AGFG1: variants seen among roughly 807,000 people sequenced by gnomAD.
The protein encoded by AGFG1 is ArfGAP with FG repeats 1, also known as arf-GAP domain and FG repeat-containing protein 1.
AGFG1 carries 10 observed loss-of-function variants against 60.6 expected under a neutral mutation model. The ratio of observed to expected loss-of-function variants is 0.16; its 90% CI spans 0.10 to 0.28. The LOEUF (loss-of-function observed/expected upper bound fraction) is 0.28. Among genes scored for constraint, AGFG1 ranks in the 10% least tolerant of loss-of-function variants. The pLI is 1.00. For synonymous variants in AGFG1, 247 were observed against 242.9 expected, an observed-to-expected ratio of 1.02 and a Z score of -0.16; for missense variants, 537 against 676.5, an observed-to-expected ratio of 0.79 and a Z score of 2.29.
intron 2 of AGFG1, among the ~76,000 whole-genome samples, chr2:227,509,449 T>A (rs573531285): frequency 5.8e-4 from 88 of 152,296 alleles, no homozygotes; most frequent in Non-Finnish European, 1.1e-3. Flanking sequence ...TTATTAAGAT[T>A]ACTGACTAAT....
intron 2 of AGFG1, among the ~76,000 whole-genome samples, chr2:227,505,893 A>G (rs532315506): frequency 6.6e-6 from 1 of 152,112 alleles, no homozygotes; most frequent in East Asian, 1.9e-4. Flanking sequence ...ACCCGCCACC[A>G]TGCCTGGCTA....
At chr2:227,536,557 A>G in intron 8 of AGFG1, 68 bp from the exon 9 acceptor site, 2 of 1,322,972 alleles carry the variant, frequency 1.5e-6, no homozygotes, top group South Asian at 1.2e-5. Flanking sequence ...TTTTATGGCT[A>G]CCCTGTAAAT....
rs148621752 is a variant in AGFG1 at position 227,497,730 on chromosome 2, G to GTTTTTTTTTTTTTTTTTTTTTTTTT, written c.261+6094_261+6095insTTTTTTTTTTTTTTTTTTTTTTTTT. Among the ~76,000 whole-genome samples, 5 of 38,926 alleles carry GTTTTTTTTTTTTTTTTTTTTTTTTT rather than the reference G, an allele frequency of 1.3e-4. 1 individual carries two copies. The highest frequency in any genetic ancestry group is 1.6e-4 in the Non-Finnish European group (3 of 18,528). The allele number at this position is 38,926 out of a possible 152,430, so 25.5% of individuals were successfully genotyped here. ...ATATAGCCAAATGAGTTTCTTTCTT[G>GTTTTTTTTTTTTTTTTTTTTTTTTT]TTTTGTTTTTTTTTTTTTTTTTTTT... On this transcript the variant is annotated intron_variant, in intron 2 of 12. Transcript: ENST00000310078.
Position 227,523,817 on chromosome 2 carries a change from A to G in AGFG1, c.432A>G (p.Ser144=). The change falls in exon 4 of 13, where the codon TCA becomes TCG. Residue 144 remains serine, a synonymous_variant. Coordinates refer to ENST00000310078, the MANE Select transcript of AGFG1 (RefSeq NM_004504.5). ...KVVASVHASI[S]GSSASSTSST... is the part of the protein sequence containing the mutation. ...TGGCATCAGTTCATGCATCTATTTC[A>G]GGGTCCTCTGCCAGTAGCACAAGCA... The G allele has an allele frequency of 6.2e-7, 1 of 1,613,978 alleles. No homozygotes were observed.
chr2:227,490,916 A>G (rs917031195), intron 1 of AGFG1, among the ~76,000 whole-genome samples: 3 of 152,150 alleles, frequency 2.0e-5, no homozygotes, highest in Admixed American at 6.5e-5. Context: ...GCATGCAGCA[A>G]TTTTTTTGAA....
intron 1 of AGFG1, among the ~76,000 whole-genome samples, chr2:227,481,024 ATCT>A (rs1690441684): frequency 6.8e-6 from 1 of 146,148 alleles, no homozygotes; most frequent in African/African-American, 2.6e-5. Flanking sequence ...AGTATGTAAG[ATCT>A]TCTTTTCTTC....
chr2:227,535,187 C>G (rs532076381), intron 8 of AGFG1, among the ~76,000 whole-genome samples, 162 bp downstream of exon 8: 13 of 151,906 alleles, frequency 8.6e-5, no homozygotes, highest in Admixed American at 2.0e-4. Context: ...AAATATAATC[C>G]TTGAATAATT....
chr2:227,495,049 T>G (rs1690934904), intron 2 of AGFG1, among the ~76,000 whole-genome samples: 1 of 152,226 alleles, frequency 6.6e-6, no homozygotes, highest in African/African-American at 2.4e-5. Flanking sequence ...CTTTAGTGTT[T>G]ATAGACTTCT....
rs542253847 is a variant in AGFG1, at chr2:227,512,485, C to G, written c.262-7463C>G. Among the ~76,000 whole-genome samples the G allele has an allele frequency of 7.4e-4, 113 of 152,194 alleles. 1 individual carries two copies. Among genetic ancestry groups the G allele is most frequent in the Admixed American group, 1.3e-3 (20 of 15,282 alleles). On this transcript the variant is annotated intron_variant, in intron 2 of 12. Transcript: ENST00000310078. ...CCGTGTAGGAAATGTTAATAATGTA[C>G]TTAATAATGTACTTGTTTTTCCAGT...
intron 5 of AGFG1, 92 bp downstream of exon 5, chr2:227,525,007 AT>A (rs1691949725): frequency 1.4e-6 from 2 of 1,460,984 alleles, no homozygotes; most frequent in Non-Finnish European, 1.9e-6. Flanking sequence ...ATCAGTAAAC[AT>A]TTTTTGTTGA....
At chr2:227,525,095 A>T (rs1340494494) in intron 5 of AGFG1, among the ~76,000 whole-genome samples, 180 bp downstream of exon 5, 1 of 151,946 alleles carries the variant, frequency 6.6e-6, no homozygotes, top group East Asian at 2.0e-4. Flanking sequence ...CACAGAAGAG[A>T]TTATATTTAA....
intron 10 of AGFG1, among the ~76,000 whole-genome samples, chr2:227,539,851 T>C (rs62191037): frequency 0.021 from 3,172 of 152,192 alleles, 67 homozygotes; most frequent in Middle Eastern, 0.085. Context: ...TGTTGGTTTG[T>C]TTTAGACAGA....
chr2:227,530,065 G>C (rs1692114118), intron 5 of AGFG1, among the ~76,000 whole-genome samples: 1 of 152,100 alleles, frequency 6.6e-6, no homozygotes, highest in African/African-American at 2.4e-5. Context: ...CCTGTCTCAT[G>C]AATATGTGTT....
chr2:227,530,759 A>G (rs966512949), intron 5 of AGFG1, among the ~76,000 whole-genome samples: 2 of 152,170 alleles, frequency 1.3e-5, no homozygotes, highest in African/African-American at 2.4e-5. Flanking sequence ...CTGCTTTCCT[A>G]TAACTCAGTA....
chr2:227,474,728 G>A (rs900561676), intron 1 of AGFG1, among the ~76,000 whole-genome samples: 10 of 152,206 alleles, frequency 6.6e-5, no homozygotes, highest in African/African-American at 2.2e-4. Flanking sequence ...TCTGGGAGTT[G>A]ATGCCTGAGC....
At position 227,491,529 on chromosome 2, in the gene AGFG1, A is replaced by T. The variant is rs771271951; in HGVS notation, c.168-18A>T. 1 of 1,505,572 alleles carries T rather than the reference A, an allele frequency of 6.6e-7. No individual in the cohort carries two copies. Among genetic ancestry groups the T allele is most frequent in the Non-Finnish European group, 8.9e-7 (1 of 1,125,428 alleles). 93.3% of individuals were successfully genotyped at this position (1,505,572 alleles called of 1,614,324 possible). ...GTGGTATGTACTAGTAAATTTTGTAAAATATTTTATCTTTTAGGCGAGGAT... is the reference window on the plus strand; with the variant it reads ...GTGGTATGTACTAGTAAATTTTGTATAATATTTTATCTTTTAGGCGAGGAT... On this transcript the variant is annotated intron_variant, in intron 1 of 12. Coordinates refer to ENST00000310078, the MANE Select transcript of AGFG1 (RefSeq NM_004504.5).
At chr2:227,533,985 G>A (rs902636140) in intron 7 of AGFG1, among the ~76,000 whole-genome samples, 3 of 152,048 alleles carry the variant, frequency 2.0e-5, no homozygotes, top group African/African-American at 4.8e-5. Flanking sequence ...AGTCTTACTA[G>A]TTGAGAAAAA....
intron 2 of AGFG1, among the ~76,000 whole-genome samples, chr2:227,511,868 A>G (rs1291810971): frequency 6.6e-6 from 1 of 152,154 alleles, no homozygotes; most frequent in Non-Finnish European, 1.5e-5. Flanking sequence ...TAGAGGGATT[A>G]TTGTCCCTTT....
intron 10 of AGFG1, among the ~76,000 whole-genome samples, chr2:227,549,511 T>A (rs557396407): frequency 6.6e-6 from 1 of 152,232 alleles, no homozygotes; most frequent in Non-Finnish European, 1.5e-5. Flanking sequence ...AACCTGTAAA[T>A]ACCGCTTACC....
Sources: allele counts gnomAD v4.1 joint callset (sites outside exome capture counted in the v4.1 genomes callset), GRCh38; gene constraint gnomAD v4.1.1; transcripts MANE v1.5; gene names NCBI Gene and HGNC (gene_info 2026-07-23, HGNC 2026-07-21).